Variants in TNIK observed in about 807,000 individuals in gnomAD.
The protein encoded by TNIK is TRAF2 and NCK interacting kinase, also known as TRAF2 and NCK-interacting protein kinase.
In TNIK, 49 loss-of-function variants were observed where a neutral mutation model predicts 191.3. That is an observed-to-expected ratio of 0.26 (90% CI 0.20 to 0.32). TNIK has a LOEUF of 0.32. TNIK is among the 10% of genes least tolerant of loss of function. The probability of loss-of-function intolerance (pLI) is 1.00; values close to 1 mark genes in which losing one functional copy is unlikely to be tolerated. For synonymous variants in TNIK, 594 were observed against 600.9 expected (o/e 0.99, Z 0.17); for missense variants, 1,155 against 1,702.3 (o/e 0.68, Z 5.66).
intron 15 of TNIK, among the ~76,000 whole-genome samples, chr3:171,135,332 G>C (rs1156399147): frequency 1.3e-5 from 2 of 152,180 alleles, no homozygotes; most frequent in African/African-American, 2.4e-5. Context: ...AGAATGTAAA[G>C]ATCCTTGCAC....
intron 3 of TNIK, among the ~76,000 whole-genome samples, chr3:171,224,067 G>A (rs928011888): frequency 7.2e-5 from 11 of 152,142 alleles, no homozygotes; most frequent in South Asian, 2.1e-4. Flanking sequence ...CTGGACCACT[G>A]ATATTCAGAC....
intron 2 of TNIK, among the ~76,000 whole-genome samples, chr3:171,336,895 A>G (rs749558392): frequency 9.3e-5 from 14 of 151,276 alleles, no homozygotes; most frequent in Admixed American, 2.0e-4. Context: ...TCATTTTAAC[A>G]GCACAGCCCT....
At chr3:171,157,089 T>C (rs1733282711) in intron 12 of TNIK, among the ~76,000 whole-genome samples, 1 of 152,184 alleles carries the variant, frequency 6.6e-6, no homozygotes, top group South Asian at 2.1e-4. Flanking sequence ...TGTAAAAGTA[T>C]ATGTAGACTA....
At chr3:171,355,251 C>G (rs1056050425) in intron 2 of TNIK, among the ~76,000 whole-genome samples, 1 of 152,090 alleles carries the variant, frequency 6.6e-6, no homozygotes, top group East Asian at 1.9e-4. Context: ...GCACCTCCTC[C>G]CTGAAGCACT....
chr3:171,252,511 C>T (rs771294022), intron 2 of TNIK, among the ~76,000 whole-genome samples: 1 of 152,126 alleles, frequency 6.6e-6, no homozygotes, highest in Non-Finnish European at 1.5e-5. Context: ...TAGGAAGCTG[C>T]CTTATGTTAA....
intron 1 of TNIK, among the ~76,000 whole-genome samples, chr3:171,408,469 T>G (rs888018599): frequency 6.6e-6 from 1 of 152,194 alleles, no homozygotes. Context: ...CATTCCGCCA[T>G]GAAGGACTTT....
Position 171,451,092 on chromosome 3 carries a change from A to C in TNIK, c.57+8915T>G, listed in dbSNP as rs953073161. Among the ~76,000 whole-genome samples, 3 of 152,214 alleles carry C rather than the reference A, an allele frequency of 2.0e-5. No individual in the cohort carries two copies. In the South Asian group the frequency reaches 6.2e-4, roughly 32 times the overall value. The stretch of plus-strand genomic sequence containing the variant: ...GACTTCTGCCTTCTGGTGTTAGTTA[A>C]TATTCTTGTGTAGTCCCCTTCGAAA... On this transcript the variant is annotated intron_variant, in intron 1 of 32. Transcript: ENST00000436636.
At chr3:171,328,742 G>A (rs1258443433) in intron 2 of TNIK, among the ~76,000 whole-genome samples, 1 of 152,180 alleles carries the variant, frequency 6.6e-6, no homozygotes, top group Non-Finnish European at 1.5e-5. Context: ...ATATGTAAAT[G>A]AAACTGGCTC....
At chr3:171,176,407 C>A (rs1180355103) in intron 8 of TNIK, among the ~76,000 whole-genome samples, 3 of 152,074 alleles carry the variant, frequency 2.0e-5, no homozygotes, top group African/African-American at 7.2e-5. Context: ...TTGTCCTAGT[C>A]CTTTGAGATG....
chr3:171,431,348 T>A (rs921088689), intron 1 of TNIK, among the ~76,000 whole-genome samples: 2 of 152,066 alleles, frequency 1.3e-5, no homozygotes, highest in African/African-American at 2.4e-5. Context: ...GTCTTTAGAG[T>A]TTTATTGCCA....
At chr3:171,201,812 C>A (rs534386983) in intron 4 of TNIK, among the ~76,000 whole-genome samples, 1 of 152,220 alleles carries the variant, frequency 6.6e-6, no homozygotes, top group South Asian at 2.1e-4. Context: ...ATCTATCTAT[C>A]TATATATAAA....
chr3:171,374,354 C>A (rs1559990779), intron 1 of TNIK, among the ~76,000 whole-genome samples: 1 of 152,198 alleles, frequency 6.6e-6, no homozygotes, highest in Non-Finnish European at 1.5e-5. Flanking sequence ...AGAAGACAGG[C>A]TGTCAGAATG....
In TNIK at chr3:171,190,770, G is replaced by A; in HGVS notation, c.435C>T (p.His145=). The change falls in exon 6 of 33, where the codon CAC becomes CAT. Residue 145 remains histidine (H), a synonymous_variant. Transcript: ENST00000436636. The part of the protein sequence containing the change: ...REILRGLSHL[H]QHKVIHRDIK... Reference sequence around the variant, plus strand: ...TATCTCGATGAATCACTTTATGCTGGTGCAGGTGACTCAGCCCCTGGAGTG... The same window carrying A: ...TATCTCGATGAATCACTTTATGCTGATGCAGGTGACTCAGCCCCTGGAGTG... The A allele has an allele frequency of 6.3e-7, 1 of 1,593,748 alleles. No individual in the cohort carries two copies. Among genetic ancestry groups the A allele is most frequent in the Non-Finnish European group, 8.6e-7 (1 of 1,168,844 alleles).
In TNIK at chr3:171,085,100, A is replaced by G. The variant is rs746754035; in HGVS notation, c.2998+18T>C. On this transcript the variant is annotated intron_variant, in intron 25 of 32. Coordinates refer to ENST00000436636, the MANE Select transcript of TNIK (RefSeq NM_015028.4). ...GAAGACGAAGCTGTTTTTTAAACAC[A>G]GGGCCCTTCTTGCTTACCTGCGGCT... 25 of 1,578,026 alleles carry G rather than the reference A, an allele frequency of 1.6e-5. No homozygotes were observed. Among genetic ancestry groups the G allele is most frequent in the Non-Finnish European group, 2.1e-5 (24 of 1,158,136 alleles).
At chr3:171,143,850 A>G (rs1444798744) in intron 12 of TNIK, among the ~76,000 whole-genome samples, 1 of 152,184 alleles carries the variant, frequency 6.6e-6, no homozygotes, top group African/African-American at 2.4e-5. Context: ...AGTAGCTCTT[A>G]TTGGCTGGAA....
At chr3:171,172,729 C>T (rs1176748634) in intron 9 of TNIK, among the ~76,000 whole-genome samples, 1 of 152,144 alleles carries the variant, frequency 6.6e-6, no homozygotes, top group Non-Finnish European at 1.5e-5. Flanking sequence ...CTTTTCCTTT[C>T]CCTGTCTGAC....
Position 171,063,927 on chromosome 3 carries a change from T to A in TNIK, c.4037A>T (p.Gln1346Leu), listed in dbSNP as rs1718097428. The A allele has an allele frequency of 6.2e-7, 1 of 1,613,744 alleles. No individual in the cohort carries two copies. Among genetic ancestry groups the A allele is most frequent in the Admixed American group, 1.7e-5 (1 of 60,008 alleles). ...FASVRSGGSS[Q>L]VFFMTLNRNS... ...TCTGTTGAGGGTCATGAAAAACACT[T>A]GGCTACTTCCTCCAGATCGCACGGA... Residue 1346 changes from glutamine to leucine, a missense_variant, in exon 33 of 33, where the codon CAA becomes CTA. Physicochemically the swap from Gln to Leu is moderately radical, Grantham distance 113. Around this residue, in one of 3 missense-constraint regions of TNIK, gnomAD observed 195 missense variants for 415.4 expected, o/e 0.47. Transcript: ENST00000436636.
intron 1 of TNIK, among the ~76,000 whole-genome samples, chr3:171,456,609 G>A (rs1728824226): frequency 6.6e-6 from 1 of 152,182 alleles, no homozygotes; most frequent in South Asian, 2.1e-4. Flanking sequence ...ACAACCATGT[G>A]TCCTAGGTGA....
At chr3:171,283,310 C>CTTTTTCT (rs905977443) in intron 2 of TNIK, among the ~76,000 whole-genome samples, 1 of 151,348 alleles carries the variant, frequency 6.6e-6, no homozygotes, top group Non-Finnish European at 1.5e-5. Flanking sequence ...TAGAACTACT[C>CTTTTTCT]TTTTTCTTTT....
Sources: gnomAD v4.1 joint callset for allele counts (sites outside exome capture counted in the v4.1 genomes callset) on GRCh38, gnomAD v4.1.1 for gene constraint, gnomAD v4.1.1 regional missense constraint, MANE v1.5 for transcripts, NCBI Gene and HGNC (gene_info 2026-07-23, HGNC 2026-07-21) for gene names.